Variants in CDH8 observed in about 807,000 individuals in gnomAD.
CDH8 encodes cadherin 8, also known as cadherin-8.
Under a neutral mutation model 68.1 loss-of-function variants are expected in CDH8, and 17 were observed. The observed-to-expected ratio is 0.25, with a 90% CI of 0.17 to 0.37. The LOEUF is 0.37. Ranked by LOEUF, CDH8 falls within the 10% of genes least tolerant of loss-of-function variation. CDH8 has a pLI of 1.00. For synonymous variants in CDH8, 372 were observed against 365.1 expected (o/e 1.02, Z -0.21); for missense variants, 763 against 999.3 (o/e 0.76, Z 3.19).
intron 4 of CDH8, among the ~76,000 whole-genome samples, chr16:61,848,750 C>CTAT (rs1391935462): frequency 5.3e-5 from 8 of 152,020 alleles, no homozygotes; most frequent in Non-Finnish European, 1.0e-4. Flanking sequence ...AATTACATTT[C>CTAT]GTCACAATCA....
intron 7 of CDH8, among the ~76,000 whole-genome samples, chr16:61,815,992 A>G (rs1178065163): frequency 6.6e-6 from 1 of 152,102 alleles, no homozygotes; most frequent in Non-Finnish European, 1.5e-5. Context: ...ATTGCATTCA[A>G]CATTGGCCCA....
chr16:61,999,405 G>T (rs1292309668), intron 2 of CDH8, among the ~76,000 whole-genome samples: 1 of 152,096 alleles, frequency 6.6e-6, no homozygotes, highest in Non-Finnish European at 1.5e-5. Context: ...AGAGTAAAAG[G>T]ATCATGAAAA....
At chr16:61,842,600 T>C (rs927364587) in intron 4 of CDH8, among the ~76,000 whole-genome samples, 15 of 152,194 alleles carry the variant, frequency 9.9e-5, no homozygotes, top group Admixed American at 3.9e-4. Context: ...AAATTCTATA[T>C]GAAAACAAAC....
At chr16:61,724,659 T>C (rs2142888326) in intron 9 of CDH8, among the ~76,000 whole-genome samples, 1 of 150,936 alleles carries the variant, frequency 6.6e-6, no homozygotes, top group Admixed American at 6.6e-5. Flanking sequence ...CAGACATAAA[T>C]TGTTCAAAAA....
chr16:61,648,956 C>A lies in CDH8; in HGVS notation c.*4652G>T, dbSNP rs1963263094. On this transcript the variant is annotated 3_prime_UTR_variant, in exon 12 of 12. Transcript: ENST00000577390. Reference sequence around the variant, plus strand: ...ATAAATGTATTTTTAAATGATAGATCATAAAGACATGCTCTTCTACAATTA... The same window carrying A: ...ATAAATGTATTTTTAAATGATAGATAATAAAGACATGCTCTTCTACAATTA... The A allele has an allele frequency of 6.6e-6, 1 of 151,866 alleles. No individual in the cohort carries two copies. The highest frequency in any genetic ancestry group is 6.6e-5 in the Admixed American group (1 of 15,212). 9.4% of individuals were successfully genotyped at this position (151,866 alleles called of 1,614,324 possible). A position where few individuals can be genotyped will look rare whatever the true frequency, so the allele number is the denominator to read the frequency against.
rs1055288839 is a variant in CDH8 at position 61,653,646 on chromosome 16, C to T, written c.2362G>A (p.Glu788Lys). ...TCACTTTCACCAACAGAGTAGAGTT[C>T]GCCCAGTCTCTTAAAGCGGGGACCC... ...DWGPRFKRLG[E>K]LYSVGESDKE... Residue 788 changes from glutamate to lysine, a missense_variant, in exon 12 of 12, where the codon GAA becomes AAA. This residue lies in a region of CDH8 where 397 missense variants were observed against 436.2 expected (regional missense o/e 0.91). Coordinates refer to ENST00000577390, the MANE Select transcript of CDH8 (RefSeq NM_001796.5). 1.5e-5 allele frequency: 25 copies of T among 1,613,502 alleles called. No homozygotes were observed. The highest frequency in any genetic ancestry group is 2.1e-5 in the Non-Finnish European group (25 of 1,179,796).
chr16:61,751,970 A>T (rs1419155751), intron 8 of CDH8, among the ~76,000 whole-genome samples: 1 of 152,076 alleles, frequency 6.6e-6, no homozygotes, highest in Non-Finnish European at 1.5e-5. Flanking sequence ...TCCCTCATTC[A>T]ATAAATATTT....
rs903631779 is a variant in CDH8, at chr16:61,893,272, T to G, written c.547+7907A>C. Among the ~76,000 whole-genome samples the G allele has an allele frequency of 2.0e-5, 3 of 152,266 alleles. No homozygotes were observed. In the South Asian group the frequency reaches 6.2e-4, roughly 32 times the overall value. The stretch of plus-strand genomic sequence containing the variant: ...ACCGATCATTGGACTTAGGGCCCAG[T>G]CAACTCCAGTGTGACCTCAATTTAA... On this transcript the variant is annotated intron_variant, in intron 3 of 11. Coordinates refer to ENST00000577390, the MANE Select transcript of CDH8 (RefSeq NM_001796.5).
chr16:61,849,645 T>A (rs1176111939), intron 4 of CDH8, among the ~76,000 whole-genome samples: 1 of 152,094 alleles, frequency 6.6e-6, no homozygotes, highest in Non-Finnish European at 1.5e-5. Context: ...TGGAAAGAGG[T>A]TCTAGGTCTC....
At chr16:61,822,351 G>C (rs1373470641) in intron 5 of CDH8, among the ~76,000 whole-genome samples, 1 of 149,256 alleles carries the variant, frequency 6.7e-6, no homozygotes, top group Non-Finnish European at 1.5e-5. Flanking sequence ...GTCTGTTTCT[G>C]GGGAACCCAA....
intron 3 of CDH8, among the ~76,000 whole-genome samples, chr16:61,869,622 A>G (rs1963319732): frequency 6.6e-6 from 1 of 152,204 alleles, no homozygotes; most frequent in African/African-American, 2.4e-5. Context: ...CTCAAAGTGC[A>G]CAAATCTATG....
At chr16:61,679,356 A>T (rs1405093531) in intron 10 of CDH8, among the ~76,000 whole-genome samples, 1 of 152,034 alleles carries the variant, frequency 6.6e-6, no homozygotes, top group Non-Finnish European at 1.5e-5. Flanking sequence ...AAATTCTGTA[A>T]TTATAATTAA....
At chr16:61,788,019 C>T (rs1054927774) in intron 8 of CDH8, among the ~76,000 whole-genome samples, 1 of 149,720 alleles carries the variant, frequency 6.7e-6, no homozygotes, top group Non-Finnish European at 1.5e-5. Flanking sequence ...AGCGCACCAG[C>T]ATGGCACATG....
chr16:61,949,621 G>A lies in CDH8; in HGVS notation c.253-48148C>T, dbSNP rs569613491. The stretch of plus-strand genomic sequence containing the variant: ...AACAAGACCGAGAACCCACTGGAAG[G>A]AACCAACTCTGGACACAACATGACA... On this transcript the variant is annotated intron_variant, in intron 2 of 11. Coordinates refer to ENST00000577390, the MANE Select transcript of CDH8 (RefSeq NM_001796.5). 4.4e-4 allele frequency among the ~76,000 whole-genome samples: 67 copies of A among 152,044 alleles called. 1 individual carries two copies. The South Asian group carries it at 0.014, about 31-fold the overall frequency.
In CDH8 at chr16:61,863,998, C is replaced by T. The variant is rs1270658149; in HGVS notation, c.548-6760G>A. Among the ~76,000 whole-genome samples the T allele has an allele frequency of 2.6e-5, 4 of 152,224 alleles. No individual in the cohort carries two copies. The East Asian group carries it at 5.8e-4, about 22-fold the overall frequency. ...ACTCCTCTCATCCTTATTAATTCCC[C>T]TAAGTACTGTGCAATACAAATAGGT... is the stretch of plus-strand genomic sequence containing the variant. On this transcript the variant is annotated intron_variant, in intron 3 of 11. Coordinates refer to ENST00000577390, the MANE Select transcript of CDH8 (RefSeq NM_001796.5).
At position 61,794,429 on chromosome 16, in the gene CDH8, T is replaced by A. The variant is rs541416357; in HGVS notation, c.1278-4947A>T. On this transcript the variant is annotated intron_variant, in intron 7 of 11. Coordinates refer to ENST00000577390, the MANE Select transcript of CDH8 (RefSeq NM_001796.5). ...CATGATTTATGAACTTTAAATGAGGTAATGCTTATAAAATACTTATTAAGG... is the reference window on the plus strand; with the variant it reads ...CATGATTTATGAACTTTAAATGAGGAAATGCTTATAAAATACTTATTAAGG... Among the ~76,000 whole-genome samples, 7 of 152,178 alleles carry A rather than the reference T, an allele frequency of 4.6e-5. No homozygotes were observed. In the South Asian group the frequency reaches 1.2e-3, roughly 27 times the overall value.
chr16:61,835,860 T>C (rs1962558104), intron 4 of CDH8, among the ~76,000 whole-genome samples: 1 of 151,924 alleles, frequency 6.6e-6, no homozygotes, highest in South Asian at 2.1e-4. Context: ...AGCAGAGTTG[T>C]AGAGAGAATG....
At chr16:61,783,726 A>G (rs1961151721) in intron 8 of CDH8, among the ~76,000 whole-genome samples, 1 of 151,822 alleles carries the variant, frequency 6.6e-6, no homozygotes, top group African/African-American at 2.4e-5. Flanking sequence ...CCATCAGACT[A>G]ACAGCGGATC....
At chr16:61,889,422 A>G (rs1047804191) in intron 3 of CDH8, among the ~76,000 whole-genome samples, 2 of 152,214 alleles carry the variant, frequency 1.3e-5, no homozygotes, top group Non-Finnish European at 1.5e-5. Flanking sequence ...ATAATAACAC[A>G]TGGATACAAG....
Sources: gnomAD v4.1 joint callset for allele counts (sites outside exome capture counted in the v4.1 genomes callset) on GRCh38, gnomAD v4.1.1 for gene constraint, gnomAD v4.1.1 regional missense constraint, MANE v1.5 for transcripts, NCBI Gene and HGNC (gene_info 2026-07-23, HGNC 2026-07-21) for gene names.